ARHGAP32: variants seen among roughly 807,000 people sequenced by gnomAD.
ARHGAP32 encodes the protein Rho GTPase activating protein 32, also known as rho GTPase-activating protein 32.
Under a neutral mutation model 186.5 loss-of-function variants are expected in ARHGAP32, and 51 were observed. That is an observed-to-expected ratio of 0.27 (90% CI 0.22 to 0.35). The LOEUF (loss-of-function observed/expected upper bound fraction) is 0.35. Among genes scored for constraint, ARHGAP32 ranks in the 10% least tolerant of loss-of-function variants. The probability of loss-of-function intolerance (pLI) is 1.00; values close to 1 mark genes in which losing one functional copy is unlikely to be tolerated. For missense variants in ARHGAP32, 2,186 were observed against 2,623.5 expected (o/e 0.83, Z 3.64); for synonymous variants, 950 against 964.3 (o/e 0.99, Z 0.27).
chr11:129,131,920 A>G (rs1489612344), intron 2 of ARHGAP32, among the ~76,000 whole-genome samples: 1 of 152,246 alleles, frequency 6.6e-6, no homozygotes, highest in Non-Finnish European at 1.5e-5. Flanking sequence ...ATAGTGCAAG[A>G]CAAGACTTTT....
chr11:129,127,873 A>G (rs1210083674), intron 2 of ARHGAP32, among the ~76,000 whole-genome samples: 1 of 152,198 alleles, frequency 6.6e-6, no homozygotes, highest in Non-Finnish European at 1.5e-5. Flanking sequence ...CATCAACAGA[A>G]CATTCAAAAG....
chr11:129,023,132 T>G (rs1325101553), intron 11 of ARHGAP32, among the ~76,000 whole-genome samples: 1 of 152,174 alleles, frequency 6.6e-6, no homozygotes, highest in Non-Finnish European at 1.5e-5. Flanking sequence ...AGGGCTGATT[T>G]GTGATTCAGA....
rs73029266 is a variant in ARHGAP32 at position 129,002,463 on chromosome 11, T to C, written c.1046-3995A>G. 2.4e-3 allele frequency among the ~76,000 whole-genome samples: 372 copies of C among 152,334 alleles called. 3 individuals carry two copies. The highest frequency in any genetic ancestry group is 0.017 in the Middle Eastern group (5 of 294). ...TTTTGTATTTGCCACTTTACTGAATTTGTTTTATCAGTTCAAATAGTTTTT... is the reference window on the plus strand; with the variant it reads ...TTTTGTATTTGCCACTTTACTGAATCTGTTTTATCAGTTCAAATAGTTTTT... On this transcript the variant is annotated intron_variant, in intron 11 of 22. Coordinates refer to ENST00000682385, the MANE Select transcript of ARHGAP32 (RefSeq NM_001378024.1).
At chr11:129,114,209 A>T (rs1348235079) in intron 5 of ARHGAP32, among the ~76,000 whole-genome samples, 1 of 152,086 alleles carries the variant, frequency 6.6e-6, no homozygotes, top group East Asian at 1.9e-4. Flanking sequence ...GGTCTCACTT[A>T]TAAGAGGGAG....
chr11:128,967,811 C>T lies in ARHGAP32; in HGVS notation c.*1096G>A, dbSNP rs1255268349. 19 of 151,938 alleles carry T rather than the reference C, an allele frequency of 1.3e-4. No individual in the cohort carries two copies. Among genetic ancestry groups the T allele is most frequent in the Non-Finnish European group, 2.6e-4 (18 of 68,000 alleles). 9.4% of individuals were successfully genotyped at this position (151,938 alleles called of 1,614,324 possible). ...ACTTGCAGTCTAATAATAGATAATG[C>T]GTAGCTACTTAAATTCCCAGGGACC... is the stretch of plus-strand genomic sequence containing the variant. On this transcript the variant is annotated 3_prime_UTR_variant, in exon 23 of 23. Coordinates refer to ENST00000682385, the MANE Select transcript of ARHGAP32 (RefSeq NM_001378024.1).
chr11:129,200,623 T>G (rs1490131367), intron 1 of ARHGAP32, among the ~76,000 whole-genome samples: 1 of 152,184 alleles, frequency 6.6e-6, no homozygotes, highest in Admixed American at 6.5e-5. Context: ...CAGTCTCGGG[T>G]ATGTCTTTAT....
intron 5 of ARHGAP32, among the ~76,000 whole-genome samples, chr11:129,096,538 G>A (rs757025420): frequency 8.6e-5 from 8 of 92,948 alleles, no homozygotes; most frequent in Admixed American, 2.6e-4. Flanking sequence ...GCCCCGCCCC[G>A]CCCCTGCCAC....
chr11:129,240,216 T>G (rs1944996407), intron 1 of ARHGAP32, among the ~76,000 whole-genome samples: 1 of 152,076 alleles, frequency 6.6e-6, no homozygotes, highest in South Asian at 2.1e-4. Context: ...AATTTCTTGG[T>G]AAAGTTATAG....
intron 5 of ARHGAP32, among the ~76,000 whole-genome samples, chr11:129,120,218 C>T (rs528472257): frequency 6.6e-6 from 1 of 152,154 alleles, no homozygotes; most frequent in African/African-American, 2.4e-5. Context: ...GATGTGAGGA[C>T]TGACAGAAAG....
intron 1 of ARHGAP32, among the ~76,000 whole-genome samples, chr11:129,199,670 T>A (rs897459617): frequency 1.1e-4 from 16 of 152,228 alleles, no homozygotes; most frequent in Non-Finnish European, 5.9e-5. Flanking sequence ...GGCGGGGCCC[T>A]CCTGAAAACC....
intron 1 of ARHGAP32, among the ~76,000 whole-genome samples, chr11:129,226,951 T>C (rs986053917): frequency 1.3e-5 from 2 of 152,142 alleles, no homozygotes; most frequent in African/African-American, 2.4e-5. Flanking sequence ...TAAAGCTAAC[T>C]ACATAGGTAA....
intron 5 of ARHGAP32, among the ~76,000 whole-genome samples, chr11:129,095,787 G>A (rs1941712464): frequency 6.6e-6 from 1 of 152,208 alleles, no homozygotes; most frequent in African/African-American, 2.4e-5. Flanking sequence ...GGACAGACAA[G>A]AGAATAAGCA....
At chr11:129,193,903 A>T (rs971719078), upstream of ARHGAP32, among the ~76,000 whole-genome samples, 3 of 150,018 alleles carry the variant, frequency 2.0e-5, no homozygotes, top group Admixed American at 6.7e-5. Flanking sequence ...TTAATATATA[A>T]AAAGTTCTTA....
At chr11:128,989,414 G>GT (rs990262691) in intron 12 of ARHGAP32, among the ~76,000 whole-genome samples, 1 of 151,872 alleles carries the variant, frequency 6.6e-6, no homozygotes, top group African/African-American at 2.4e-5. Flanking sequence ...CTTAGAGAGA[G>GT]TAAGTTTTAC....
chr11:129,128,940 C>T (rs1942730244), intron 2 of ARHGAP32, among the ~76,000 whole-genome samples: 1 of 152,220 alleles, frequency 6.6e-6, no homozygotes, highest in Non-Finnish European at 1.5e-5. Context: ...CTACAACCTC[C>T]ACCTCCCAGC....
intron 22 of ARHGAP32, chr11:128,971,601 G>T (rs1945375804): frequency 6.3e-6 from 1 of 157,968 alleles, no homozygotes; most frequent in Non-Finnish European, 1.4e-5. Context: ...TACACAGTTA[G>T]CAGTTTTAGG....
chr11:129,036,106 C>T (rs1023100381), intron 11 of ARHGAP32, among the ~76,000 whole-genome samples: 4 of 152,086 alleles, frequency 2.6e-5, no homozygotes, highest in South Asian at 2.1e-4. Flanking sequence ...GGGCCAGGCA[C>T]GGTGGCTCAC....
chr11:128,981,798 T>C (rs1945713125), intron 16 of ARHGAP32, 31 bp downstream of exon 16: 1 of 1,459,860 alleles, frequency 6.8e-7, no homozygotes, highest in Admixed American at 1.8e-5. Context: ...GGATTAGTTC[T>C]ACTAAAATTA....
intron 1 of ARHGAP32, among the ~76,000 whole-genome samples, chr11:129,229,686 C>A (rs777187306): frequency 3.9e-5 from 6 of 152,142 alleles, no homozygotes; most frequent in Admixed American, 6.5e-5. Context: ...CACGATATAT[C>A]TGAATCCCTT....
Sources: gnomAD v4.1 joint callset for allele counts (sites outside exome capture counted in the v4.1 genomes callset) on GRCh38, gnomAD v4.1.1 for gene constraint, MANE v1.5 for transcripts, NCBI Gene and HGNC (gene_info 2026-07-23, HGNC 2026-07-21) for gene names.